The following ANO6 variants were observed in gnomAD, a reference collection of about 807,000 sequenced individuals.
The protein encoded by ANO6 is anoctamin 6, also known as anoctamin-6.
Under a neutral mutation model 117.5 loss-of-function variants are expected in ANO6, and 106 were observed. The ratio of observed to expected loss-of-function variants is 0.90; its 90% confidence interval spans 0.77 to 1.06. The LOEUF is 1.06. Ranked by LOEUF, ANO6 falls within the 50% of genes least tolerant of loss-of-function variation. The pLI is 0.00. For missense variants in ANO6, 955 were observed against 1,121.1 expected, an observed-to-expected ratio of 0.85 and a Z score of 2.12; for synonymous variants, 367 against 385.1, an observed-to-expected ratio of 0.95 and a Z score of 0.55.
At chr12:45,410,256 C>G (rs1195411122) in intron 16 of ANO6, among the ~76,000 whole-genome samples, 4 of 152,196 alleles carry the variant, frequency 2.6e-5, no homozygotes, top group Non-Finnish European at 5.9e-5. Context: ...TGCCCACTTT[C>G]ACATCTCATG....
chr12:45,292,727 C>G, intron 1 of ANO6: 1 of 1,390,636 alleles, frequency 7.2e-7, no homozygotes. Context: ...AGTTCATAAG[C>G]AGAGCTGAAA....
At chr12:45,424,294 G>T (rs901452042) in intron 19 of ANO6, among the ~76,000 whole-genome samples, 5 of 141,454 alleles carry the variant, frequency 3.5e-5, no homozygotes, top group Admixed American at 1.5e-4. Flanking sequence ...GAAGGGAAGA[G>T]AATCTACAGA....
intron 6 of ANO6, 72 bp downstream of exon 6, chr12:45,348,703 C>T: frequency 1.8e-6 from 2 of 1,101,010 alleles, no homozygotes; most frequent in East Asian, 4.8e-5. Flanking sequence ...AAAGGGCTAA[C>T]TTTCCTGACT....
chr12:45,381,603 G>T (rs77885830), intron 10 of ANO6, among the ~76,000 whole-genome samples: 4,655 of 152,260 alleles, frequency 0.031, 95 homozygotes, highest in African/African-American at 0.057. Context: ...ATCTGTGGCT[G>T]AGTGAAATAA....
intron 1 of ANO6, among the ~76,000 whole-genome samples, chr12:45,290,349 A>G (rs1339303450): frequency 6.6e-6 from 1 of 152,076 alleles, no homozygotes; most frequent in African/African-American, 2.4e-5. Flanking sequence ...CTGATAGGTT[A>G]AGCATGAAGT....
chr12:45,252,297 A>T (rs1346039823), intron 1 of ANO6, among the ~76,000 whole-genome samples: 1 of 152,238 alleles, frequency 6.6e-6, no homozygotes, highest in Non-Finnish European at 1.5e-5. Context: ...GTGTTTCCAT[A>T]AAGTGAGATA....
chr12:45,346,155 C>A lies in ANO6; in HGVS notation c.280-867C>A, dbSNP rs545926416. ...CACTGTTGCATTGGGGATTAAGTTT[C>A]TAACATGATTTTTGGGGGACATATT... On this transcript the variant is annotated intron_variant, in intron 3 of 19. Transcript: ENST00000320560. 4.9e-4 allele frequency among the ~76,000 whole-genome samples: 75 copies of A among 152,272 alleles called. No homozygotes were observed. The Middle Eastern group carries it at 0.01, about 21-fold the overall frequency.
intron 5 of ANO6, 90 bp downstream of exon 5, chr12:45,348,405 C>T (rs2137449406): frequency 1.9e-6 from 3 of 1,584,076 alleles, no homozygotes; most frequent in Non-Finnish European, 2.6e-6. Flanking sequence ...TTTTTAAAAA[C>T]TGCACAAAAA....
At chr12:45,242,910 A>G (rs868733225) in intron 1 of ANO6, among the ~76,000 whole-genome samples, 1 of 152,360 alleles carries the variant, frequency 6.6e-6, no homozygotes, top group African/African-American at 2.4e-5. Context: ...AAAGTATACA[A>G]TAATTAATAT....
intron 1 of ANO6, among the ~76,000 whole-genome samples, chr12:45,229,394 T>TG (rs959737781): frequency 2.1e-4 from 31 of 145,014 alleles, no homozygotes; most frequent in Middle Eastern, 6.8e-3. Flanking sequence ...TTTTTAGTTT[T>TG]TTTTTTTTTT....
At chr12:45,372,034 A>G (rs1280276402) in intron 9 of ANO6, among the ~76,000 whole-genome samples, 1 of 152,144 alleles carries the variant, frequency 6.6e-6, no homozygotes, top group Non-Finnish European at 1.5e-5. Context: ...ATGGAGCTGA[A>G]AGCCAAGGCT....
chr12:45,434,408 C>T (rs993030011), downstream of ANO6, among the ~76,000 whole-genome samples: 3 of 152,194 alleles, frequency 2.0e-5, no homozygotes, highest in African/African-American at 4.8e-5. Flanking sequence ...ACAAAATTCA[C>T]GGGCTGACCA....
At chr12:45,435,837 T>A (rs564750140), downstream of ANO6, among the ~76,000 whole-genome samples, 47 of 152,270 alleles carry the variant, frequency 3.1e-4, no homozygotes, top group South Asian at 9.6e-3. Context: ...GGACCTTGAT[T>A]CAAGTCCTGG....
chr12:45,294,772 A>G (rs893943908), intron 1 of ANO6, among the ~76,000 whole-genome samples: 11 of 152,240 alleles, frequency 7.2e-5, no homozygotes, highest in African/African-American at 2.4e-4. Context: ...TGATTGCTGA[A>G]TTAATGTTAT....
intron 2 of ANO6, among the ~76,000 whole-genome samples, chr12:45,314,505 A>G (rs1022284794): frequency 1.3e-5 from 2 of 150,858 alleles, no homozygotes; most frequent in Non-Finnish European, 3.0e-5. Context: ...ATATACATAT[A>G]TACACATATG....
chr12:45,236,996 T>C (rs1285518677), intron 1 of ANO6, among the ~76,000 whole-genome samples: 1 of 152,250 alleles, frequency 6.6e-6, no homozygotes, highest in Non-Finnish European at 1.5e-5. Flanking sequence ...TGAGCATTTT[T>C]TCATGTTTCT....
chr12:45,356,825 GTTGT>G (rs915253962), intron 7 of ANO6, among the ~76,000 whole-genome samples: 15 of 152,102 alleles, frequency 9.9e-5, no homozygotes, highest in African/African-American at 3.6e-4. Flanking sequence ...TCAACCCTGT[GTTGT>G]TTAAGGCTCA....
Position 45,429,633 on chromosome 12 carries a change from TTTGA to T in ANO6, c.*325_*328del, listed in dbSNP as rs1483265409. The T allele has an allele frequency of 6.0e-6, 7 of 1,164,226 alleles. No individual in the cohort carries two copies. Among genetic ancestry groups the T allele is most frequent in the Admixed American group, 9.1e-5 (2 of 21,946 alleles). The allele number at this position is 1,164,226 out of a possible 1,614,324, so 72.1% of individuals were successfully genotyped here. A position where few individuals can be genotyped will look rare whatever the true frequency, so the allele number is the denominator to read the frequency against. On this transcript the variant is annotated 3_prime_UTR_variant, in exon 20 of 20. Transcript: ENST00000320560. ...AGTAGAATGGATTCTTTTTTTTCTG[TTTGA>T]TTATTTTCATTTCTGTCTATTCTCA...
chr12:45,342,632 C>T (rs1375568381), intron 3 of ANO6, among the ~76,000 whole-genome samples: 2 of 152,192 alleles, frequency 1.3e-5, no homozygotes, highest in African/African-American at 2.4e-5. Context: ...CAGCCATTTA[C>T]ACTCCTTAGT....
Sources: allele counts gnomAD v4.1 joint callset (sites outside exome capture counted in the v4.1 genomes callset), GRCh38; gene constraint gnomAD v4.1.1; transcripts MANE v1.5; gene names NCBI Gene and HGNC (gene_info 2026-07-23, HGNC 2026-07-21).